PCDH15: variants seen among roughly 807,000 people sequenced by gnomAD.
The protein encoded by PCDH15 is protocadherin related 15.
PCDH15 carries 129 observed loss-of-function variants against 178.5 expected under a neutral mutation model. The observed-to-expected ratio is 0.72, with a 90% confidence interval of 0.63 to 0.84. The LOEUF (loss-of-function observed/expected upper bound fraction) is 0.84. Among genes scored for constraint, PCDH15 ranks in the 40% least tolerant of loss-of-function variants. The pLI, the probability that PCDH15 is intolerant of heterozygous loss-of-function variation, is 0.00. For missense variants in PCDH15, 2,230 were observed against 2,099.9 expected (o/e 1.06, Z -1.21); for synonymous variants, 800 against 732.0 (o/e 1.09, Z -1.50).
At chr10:54,257,181 T>G (rs963652067) in intron 8 of PCDH15, among the ~76,000 whole-genome samples, 4 of 151,968 alleles carry the variant, frequency 2.6e-5, no homozygotes, top group Non-Finnish European at 5.9e-5. Context: ...AAAATATAAT[T>G]GTAAAGAAAG....
chr10:55,340,585 C>A (rs59882248), intron 2 of PCDH15, among the ~76,000 whole-genome samples: 9,426 of 151,732 alleles, frequency 0.062, 683 homozygotes, highest in African/African-American at 0.18. Context: ...ATAATATATT[C>A]GTGTACAACA....
intron 2 of PCDH15, among the ~76,000 whole-genome samples, chr10:55,153,525 T>C (rs1231919312): frequency 2.0e-5 from 3 of 152,022 alleles, no homozygotes; most frequent in Non-Finnish European, 4.4e-5. Context: ...AAATAGAGAG[T>C]ATAGCAGAAG....
At chr10:53,968,535 GA>G (rs1167267123) in intron 21 of PCDH15, among the ~76,000 whole-genome samples, 3 of 152,180 alleles carry the variant, frequency 2.0e-5, no homozygotes, top group African/African-American at 7.2e-5. Flanking sequence ...TGAGATCTAA[GA>G]ACGGACAGAC....
chr10:54,062,248 A>AAAAAAAAAAAAAAAAAG (rs2094039380), intron 18 of PCDH15, among the ~76,000 whole-genome samples: 1 of 119,928 alleles, frequency 8.3e-6, no homozygotes, highest in African/African-American at 3.8e-5. Context: ...AAAAAAAAAA[A>AAAAAAAAAAAAAAAAAG]AAAACAAAAA....
chr10:53,898,113 C>T (rs1324238108), intron 26 of PCDH15, among the ~76,000 whole-genome samples: 2 of 150,306 alleles, frequency 1.3e-5, no homozygotes, highest in East Asian at 2.0e-4. Context: ...ACTACAGGTG[C>T]CCACCACCAC....
At chr10:53,905,296 C>T (rs1484839172) in intron 25 of PCDH15, 2 of 501,582 alleles carry the variant, frequency 4.0e-6, no homozygotes, top group East Asian at 1.1e-4. Flanking sequence ...TACATTAAAT[C>T]AAATGTTAAA....
intron 37 of PCDH15, chr10:53,809,609 C>T (rs2075794231): frequency 1.4e-6 from 2 of 1,474,952 alleles, no homozygotes; most frequent in African/African-American, 2.8e-5. Context: ...TGACCTTGTC[C>T]CACGAAAGCT....
intron 2 of PCDH15, among the ~76,000 whole-genome samples, chr10:55,164,406 A>C (rs937471139): frequency 2.0e-5 from 3 of 151,054 alleles, no homozygotes; most frequent in African/African-American, 7.3e-5. Context: ...TGTTGTTTTG[A>C]ATAATTTATC....
chr10:54,204,267 G>T (rs544839988), intron 10 of PCDH15, among the ~76,000 whole-genome samples: 14 of 151,808 alleles, frequency 9.2e-5, no homozygotes, highest in African/African-American at 2.4e-4. Flanking sequence ...TCCTGAGTTG[G>T]TTACAGTACA....
chr10:55,154,232 G>A (rs2799581), intron 2 of PCDH15, among the ~76,000 whole-genome samples: 143,225 of 152,202 alleles, frequency 0.94, 67,672 homozygotes, highest in East Asian at 1. Flanking sequence ...ATCTTTTACA[G>A]TGTTAGCATC....
intron 8 of PCDH15, among the ~76,000 whole-genome samples, chr10:54,301,093 A>G (rs998130568): frequency 6.8e-6 from 1 of 146,268 alleles, no homozygotes; most frequent in African/African-American, 2.4e-5. Context: ...ACACATCTGA[A>G]CATCCAAAGG....
chr10:55,110,702 A>G (rs1249405867), intron 2 of PCDH15, among the ~76,000 whole-genome samples: 1 of 152,026 alleles, frequency 6.6e-6, no homozygotes, highest in African/African-American at 2.4e-5. Context: ...CAGCCTAACT[A>G]AAATATAATT....
chr10:55,371,163 A>G (rs1206880855), intron 2 of PCDH15, among the ~76,000 whole-genome samples: 4 of 152,108 alleles, frequency 2.6e-5, no homozygotes, highest in Admixed American at 2.6e-4. Flanking sequence ...AGAGATACGG[A>G]GAGTATAGAT....
At chr10:54,830,765 C>T (rs1953211592) in intron 3 of PCDH15, among the ~76,000 whole-genome samples, 1 of 150,878 alleles carries the variant, frequency 6.6e-6, no homozygotes. Context: ...ACCTCATATT[C>T]CAAAAAGCAA....
At chr10:54,839,173 A>G (rs59357753) in intron 3 of PCDH15, among the ~76,000 whole-genome samples, 5,377 of 152,278 alleles carry the variant, frequency 0.035, 278 homozygotes, top group African/African-American at 0.12. Flanking sequence ...TAAAACTCCT[A>G]TAATTGACCA....
chr10:55,024,932 C>T (rs937272681), intron 2 of PCDH15, among the ~76,000 whole-genome samples: 2 of 152,016 alleles, frequency 1.3e-5, no homozygotes, highest in Admixed American at 1.3e-4. Flanking sequence ...GTGGCAAAAC[C>T]ATGGTTTTTT....
At chr10:55,547,370 T>C (rs1841907031) in intron 2 of PCDH15, among the ~76,000 whole-genome samples, 1 of 152,108 alleles carries the variant, frequency 6.6e-6, no homozygotes. Flanking sequence ...GAAAGGGATG[T>C]GTAACTCAGG....
intron 2 of PCDH15, among the ~76,000 whole-genome samples, chr10:54,978,699 T>C (rs1452157797): frequency 6.6e-6 from 1 of 152,186 alleles, no homozygotes; most frequent in African/African-American, 2.4e-5. Context: ...TAAATCTGCA[T>C]ATCAAACTCT....
intron 3 of PCDH15, among the ~76,000 whole-genome samples, chr10:54,817,054 C>T (rs1952959919): frequency 6.6e-6 from 1 of 151,898 alleles, no homozygotes; most frequent in Non-Finnish European, 1.5e-5. Context: ...TAATTTATGC[C>T]AGTCTTTCAA....
Sources: allele counts gnomAD v4.1 joint callset (sites outside exome capture counted in the v4.1 genomes callset), GRCh38; gene constraint gnomAD v4.1.1; transcripts MANE v1.5; gene names NCBI Gene and HGNC (gene_info 2026-07-23, HGNC 2026-07-21).